The following LRCH3 variants were observed in gnomAD, a reference collection of about 807,000 sequenced individuals.
The protein encoded by LRCH3 is leucine rich repeats and calponin homology domain containing 3.
LRCH3 carries 68 observed loss-of-function variants against 104.5 expected under a neutral mutation model. The ratio of observed to expected loss-of-function variants is 0.65; its 90% CI spans 0.54 to 0.80. LRCH3 has a LOEUF of 0.80. Ranked by LOEUF, LRCH3 falls within the 30% of genes least tolerant of loss-of-function variation. The pLI is 0.00. For missense variants in LRCH3, 951 were observed against 953.9 expected, an observed-to-expected ratio of 1.00 and a Z score of 0.04; for synonymous variants, 344 against 361.3, an observed-to-expected ratio of 0.95 and a Z score of 0.54.
At chr3:197,850,975 C>G (rs1580807321) in intron 12 of LRCH3, 1 of 781,906 alleles carries the variant, frequency 1.3e-6, no homozygotes, top group Non-Finnish European at 2.4e-6. Context: ...TTACCTCAGG[C>G]TGCTTAGGGA....
At chr3:197,880,014 C>A (rs975874617) in intron 20 of LRCH3, among the ~76,000 whole-genome samples, 5 of 150,372 alleles carry the variant, frequency 3.3e-5, no homozygotes, top group Admixed American at 6.6e-5. Context: ...GGCGCGATCT[C>A]GGCTCACTGC....
intron 9 of LRCH3, among the ~76,000 whole-genome samples, chr3:197,837,518 A>G (rs919743408): frequency 1.3e-5 from 2 of 152,204 alleles, no homozygotes; most frequent in Non-Finnish European, 2.9e-5. Context: ...CAACCAGTGA[A>G]GTATCTTTTT....
chr3:197,882,684 A>T, intron 20 of LRCH3: 1 of 984,944 alleles, frequency 1.0e-6, no homozygotes, highest in South Asian at 4.7e-5. Flanking sequence ...TGCTGTTCTT[A>T]AGATTTGCCT....
intron 4 of LRCH3, among the ~76,000 whole-genome samples, chr3:197,825,057 T>A (rs1734996839): frequency 6.6e-6 from 1 of 152,244 alleles, no homozygotes; most frequent in Non-Finnish European, 1.5e-5. Flanking sequence ...CTTGATTGTT[T>A]GATTATAAAT....
At chr3:197,838,029 C>T (rs1488426135) in intron 9 of LRCH3, among the ~76,000 whole-genome samples, 1 of 151,734 alleles carries the variant, frequency 6.6e-6, no homozygotes, top group African/African-American at 2.4e-5. Context: ...TACTGCACTC[C>T]AGCCTAGGTG....
Position 197,883,755 on chromosome 3 carries a change from T to C in LRCH3, c.*89T>C. 2 of 1,379,004 alleles carry C rather than the reference T, an allele frequency of 1.5e-6. No homozygotes were observed. Among genetic ancestry groups the C allele is most frequent in the Non-Finnish European group, 1.9e-6 (2 of 1,040,890 alleles). 85.4% of individuals were successfully genotyped at this position (1,379,004 alleles called of 1,614,324 possible). ...TGCCAGCTGTCTGCTTAAACAAAGC[T>C]CTTGTGTGTTCTCAGAAGGGACCGT... On this transcript the variant is annotated 3_prime_UTR_variant, in exon 21 of 21. Coordinates refer to ENST00000425562, the MANE Select transcript of LRCH3 (RefSeq NM_001365715.1). This position sits in a 1 kb window ranked among gnomAD's most constrained non-coding sequence, Gnocchi z 4.2.
chr3:197,794,639 A>G lies in LRCH3; in HGVS notation c.262+3099A>G, dbSNP rs1481488202. On this transcript the variant is annotated intron_variant, in intron 1 of 20. Transcript: ENST00000425562. The stretch of plus-strand genomic sequence containing the variant: ...TCCTAGGGAACAGCATATATTGCCC[A>G]TATTTATAATTAGACATGATTTTGA... Among the ~76,000 whole-genome samples the G allele has an allele frequency of 3.3e-5, 5 of 152,224 alleles. No homozygotes were observed. In the South Asian group the frequency reaches 8.3e-4, roughly 25 times the overall value.
intron 20 of LRCH3, chr3:197,876,394 A>C (rs778469662): frequency 6.6e-6 from 1 of 152,234 alleles, no homozygotes; most frequent in Non-Finnish European, 1.5e-5. Flanking sequence ...TCCTGCTATG[A>C]GGATTTATTG....
chr3:197,848,915 C>T (rs1312104735), intron 12 of LRCH3, among the ~76,000 whole-genome samples: 1 of 152,194 alleles, frequency 6.6e-6, no homozygotes, highest in Non-Finnish European at 1.5e-5. Context: ...CTCTCTTTCT[C>T]ACCTGATTCC....
chr3:197,859,323 T>C lies in LRCH3; in HGVS notation c.1716+418T>C, dbSNP rs1378517409. 1.6e-5 allele frequency: 3 copies of C among 186,248 alleles called. No homozygotes were observed. The Admixed American group carries it at 1.6e-4, about 10-fold the overall frequency. The allele number at this position is 186,248 out of a possible 1,614,324, so 11.5% of individuals were successfully genotyped here. On this transcript the variant is annotated intron_variant, in intron 15 of 20. Transcript: ENST00000425562. Reference sequence around the variant, plus strand: ...AACTATGGCCCCTAGGCCACCTGTTTATAAGTAAAGCTTTATTTTTACATA... The same window carrying C: ...AACTATGGCCCCTAGGCCACCTGTTCATAAGTAAAGCTTTATTTTTACATA...
intron 10 of LRCH3, among the ~76,000 whole-genome samples, chr3:197,846,279 C>T (rs921187682): frequency 6.6e-6 from 1 of 151,680 alleles, no homozygotes; most frequent in African/African-American, 2.4e-5. Context: ...TTGACACACA[C>T]CTGTAGGCCA....
At chr3:197,868,528 C>T (rs982372113) in intron 17 of LRCH3, among the ~76,000 whole-genome samples, 10 of 152,146 alleles carry the variant, frequency 6.6e-5, no homozygotes, top group African/African-American at 1.4e-4. Flanking sequence ...TATGTACACA[C>T]GTGTACCAAC....
chr3:197,817,344 G>GTATATATA (rs1480502664), intron 3 of LRCH3, 42 bp downstream of exon 3: 1 of 271,742 alleles, frequency 3.7e-6, no homozygotes, highest in Admixed American at 1.7e-4. Flanking sequence ...GTGTGTGTGT[G>GTATATATA]TCTGTGTGTG....
intron 1 of LRCH3, among the ~76,000 whole-genome samples, chr3:197,793,892 C>G (rs550072899): frequency 2.0e-4 from 31 of 152,294 alleles, no homozygotes; most frequent in Admixed American, 1.8e-3. Context: ...AGACCTTGCT[C>G]GTTACCCAGT....
intron 1 of LRCH3, among the ~76,000 whole-genome samples, chr3:197,812,504 G>GTTTTTTTGTTT (rs1733254711): frequency 2.0e-5 from 1 of 48,956 alleles, no homozygotes; most frequent in Non-Finnish European, 3.5e-5. Flanking sequence ...TCTGCTTTCA[G>GTTTTTTTGTTT]TTTTTTTTTT....
chr3:197,852,613 A>G lies in LRCH3; in HGVS notation c.1583A>G (p.Asp528Gly). ...QKQHPLLDGV[D>G]GECPFPSRRS... ...CAGCACCCGCTCCTAGATGGCGTAG[A>G]TGGTGAGGTAAGTTGATGTAATCTC... The change falls in exon 13 of 21, where the codon GAT becomes GGT. Residue 528 changes from aspartate to glycine, a missense_variant. Coordinates refer to ENST00000425562, the MANE Select transcript of LRCH3 (RefSeq NM_001365715.1). The G allele has an allele frequency of 1.2e-6, 2 of 1,614,062 alleles. No homozygotes were observed. The highest frequency in any genetic ancestry group is 1.7e-6 in the Non-Finnish European group (2 of 1,179,918).
intron 9 of LRCH3, among the ~76,000 whole-genome samples, chr3:197,837,197 A>G (rs1339175692): frequency 1.2e-4 from 19 of 152,210 alleles, no homozygotes; most frequent in Admixed American, 1.2e-3. Flanking sequence ...CTATTTTGCA[A>G]TAAAATTAAA....
rs771878460 is a variant in LRCH3 at position 197,847,969 on chromosome 3, A to G, written c.1478A>G (p.Glu493Gly). The G allele has an allele frequency of 1.4e-5, 22 of 1,614,140 alleles. No homozygotes were observed. Among genetic ancestry groups the G allele is most frequent in the Admixed American group, 8.3e-5 (5 of 60,018 alleles). ...CTTGCTGCCCTGCAGTATGAGGAGG[A>G]GAAAATAAGGACCAAGCAGATCCAG... ...AQLAALQYEE[E>G]KIRTKQIQRD... The change falls in exon 12 of 21, where the codon GAG (glutamate) becomes GGG (glycine). Residue 493 changes from glutamate (E) to glycine (G), a missense_variant. By Grantham distance (98) the Glu-to-Gly change is moderately conservative. Transcript: ENST00000425562.
At chr3:197,813,198 C>CA (rs1441059612) in intron 1 of LRCH3, among the ~76,000 whole-genome samples, 10 of 152,094 alleles carry the variant, frequency 6.6e-5, no homozygotes, top group African/African-American at 2.4e-4. Flanking sequence ...ATGAAGTATC[C>CA]ATTACCCCAA....
Sources: allele counts gnomAD v4.1 joint callset (sites outside exome capture counted in the v4.1 genomes callset), GRCh38; gene constraint gnomAD v4.1.1; non-coding constraint Gnocchi (gnomAD v3.1); transcripts MANE v1.5; gene names NCBI Gene and HGNC (gene_info 2026-07-23, HGNC 2026-07-21).